SARDH: variants seen among roughly 807,000 people sequenced by gnomAD.
The protein encoded by SARDH is sarcosine dehydrogenase.
SARDH carries 95 observed loss-of-function variants against 109.1 expected under a neutral mutation model. The observed-to-expected ratio is 0.87, with a 90% CI of 0.74 to 1.03. The LOEUF (loss-of-function observed/expected upper bound fraction) is 1.03. Ranked by LOEUF, SARDH falls within the 50% of genes least tolerant of loss-of-function variation. The pLI is 0.00. For synonymous variants in SARDH, 572 were observed against 534.8 expected (o/e 1.07, Z -0.96); for missense variants, 1,267 against 1,287.8 (o/e 0.98, Z 0.25).
In SARDH at chr9:133,663,566, C is replaced by T. The variant is rs1236886749; in HGVS notation, c.*323G>A. ...AAGCCTATTTGCTTCGCTGTTTTCA[C>T]GTGGGGCTTATCAAGTATTTACTAA... On this transcript the variant is annotated 3_prime_UTR_variant, in exon 21 of 21. Transcript: ENST00000439388. 1.5e-5 allele frequency: 5 copies of T among 335,564 alleles called. No individual in the cohort carries two copies. Among genetic ancestry groups the T allele is most frequent in the South Asian group, 7.2e-5 (1 of 13,886 alleles). The allele number at this position is 335,564 out of a possible 1,614,324, so 20.8% of individuals were successfully genotyped here.
Position 133,694,305 on chromosome 9 carries a change from C to G in SARDH, c.1874G>C (p.Arg625Pro). The change falls in exon 15 of 21, where the codon CGC (arginine) becomes CCC (proline). Residue 625 changes from arginine to proline, a missense_variant. Coordinates refer to ENST00000439388, the MANE Select transcript of SARDH (RefSeq NM_001134707.2). ...GGAGGCCTGGTGGCTGGGTGCCAGGCGGCTGACAGTCAGGTCACTCTCGGT... is the reference window on the plus strand; with the variant it reads ...GGAGGCCTGGTGGCTGGGTGCCAGGGGGCTGACAGTCAGGTCACTCTCGGT... ...GGTESDLTVSRLAPSHQASPL... is the reference protein window; with the variant it reads ...GGTESDLTVSPLAPSHQASPL... The G allele has an allele frequency of 1.3e-6, 2 of 1,550,492 alleles. No homozygotes were observed. Among genetic ancestry groups the G allele is most frequent in the Non-Finnish European group, 1.7e-6 (2 of 1,146,912 alleles).
chr9:133,696,431 A>C, intron 13 of SARDH, 70 bp from the exon 14 acceptor site: 2 of 1,603,616 alleles, frequency 1.2e-6, no homozygotes, highest in Admixed American at 1.7e-5. Flanking sequence ...AAGAACGTGG[A>C]GAACGGGGGC....
rs746017538 is a variant in SARDH at position 133,717,469 on chromosome 9, G to A, written c.1021-14C>T. On this transcript the variant is annotated splice_polypyrimidine_tract_variant and intron_variant, in intron 7 of 20. Coordinates refer to ENST00000439388, the MANE Select transcript of SARDH (RefSeq NM_001134707.2). ...CTTGTCTGACACCTGCCAAGGCAGGGCAGGGGAACATCTCCGTTGTCCCCA... is the reference window on the plus strand; with the variant it reads ...CTTGTCTGACACCTGCCAAGGCAGGACAGGGGAACATCTCCGTTGTCCCCA... The A allele has an allele frequency of 6.2e-7, 1 of 1,613,868 alleles. No individual in the cohort carries two copies. The highest frequency in any genetic ancestry group is 8.5e-7 in the Non-Finnish European group (1 of 1,179,884).
rs753474721 is a variant in SARDH, at chr9:133,708,330, T to C, written c.1427A>G (p.Glu476Gly). 1.4e-5 allele frequency: 23 copies of C among 1,613,198 alleles called. No individual in the cohort carries two copies. The highest frequency in any genetic ancestry group is 1.9e-5 in the Non-Finnish European group (22 of 1,179,736). ...KNYSVVFPHD[E>G]PLAGRNMRRD... ...CCTCATGTTGCGCCCGGCCAGCGGC[T>C]CATCGTGGGGGAAGACGACGGAGTA... The change falls in exon 11 of 21, where the codon GAG becomes GGG. Residue 476 changes from glutamate (E) to glycine (G), a missense_variant. Coordinates refer to ENST00000439388, the MANE Select transcript of SARDH (RefSeq NM_001134707.2).
At chr9:133,732,707 T>C in intron 2 of SARDH, 106 bp from the exon 3 acceptor site, 3 of 1,275,552 alleles carry the variant, frequency 2.4e-6, no homozygotes, top group South Asian at 3.0e-5. Flanking sequence ...GGTGTCTTTC[T>C]CTGCAAGGTC....
intron 13 of SARDH, among the ~76,000 whole-genome samples, chr9:133,699,882 A>C (rs1831420178): frequency 6.6e-6 from 1 of 152,240 alleles, no homozygotes; most frequent in South Asian, 2.1e-4. Context: ...AAGAAATTAT[A>C]ACATACATGC....
intron 17 of SARDH, among the ~76,000 whole-genome samples, chr9:133,683,279 G>T (rs576919219): frequency 8.5e-5 from 13 of 152,336 alleles, no homozygotes; most frequent in African/African-American, 2.9e-4. Flanking sequence ...TGCTGGAGTG[G>T]CCGTGCGGGT....
rs1190493117 is a variant in SARDH, at chr9:133,708,302, T to G, written c.1455A>C (p.Arg485Ser). The change falls in exon 11 of 21, where the codon AGA (arginine) becomes AGC (serine). Residue 485 changes from arginine (R) to serine (S), a missense_variant. Physicochemically the swap from Arg to Ser is moderately radical, Grantham distance 110. Transcript: ENST00000439388. Reference sequence around the variant, plus strand: ...GGGGCGTTACCTCGTGCAGCGGGTCTCTCCTCATGTTGCGCCCGGCCAGCG... The same window carrying G: ...GGGGCGTTACCTCGTGCAGCGGGTCGCTCCTCATGTTGCGCCCGGCCAGCG... Reference protein sequence around the residue: ...DEPLAGRNMRRDPLHEELLGQ... With the variant: ...DEPLAGRNMRSDPLHEELLGQ... The G allele has an allele frequency of 6.2e-7, 1 of 1,612,824 alleles. No homozygotes were observed.
intron 5 of SARDH, 49 bp downstream of exon 5, chr9:133,730,015 G>T (rs769777015): frequency 6.2e-7 from 1 of 1,610,276 alleles, no homozygotes; most frequent in African/African-American, 1.3e-5. Context: ...GCAGGTTTAG[G>T]GAGCAGCCAG....
At position 133,712,783 on chromosome 9, in the gene SARDH, A is replaced by G; in HGVS notation, c.1238-74T>C. ...CACCCATGTCCAAACATGTGCCCCCATCTCCACGGACAGCACAGACACTCC... is the reference window on the plus strand; with the variant it reads ...CACCCATGTCCAAACATGTGCCCCCGTCTCCACGGACAGCACAGACACTCC... On this transcript the variant is annotated intron_variant, in intron 9 of 20. Coordinates refer to ENST00000439388, the MANE Select transcript of SARDH (RefSeq NM_001134707.2). The surrounding 1 kb of genome is among the most constrained non-coding windows in gnomAD (Gnocchi z 4.1). The G allele has an allele frequency of 7.2e-7, 1 of 1,390,138 alleles. No homozygotes were observed. The highest frequency in any genetic ancestry group is 1.0e-6 in the Non-Finnish European group (1 of 997,494). The allele number at this position is 1,390,138 out of a possible 1,614,324, so 86.1% of individuals were successfully genotyped here.
At chr9:133,661,466 C>T (rs751365710), downstream of SARDH, among the ~76,000 whole-genome samples, 88 of 152,012 alleles carry the variant, frequency 5.8e-4, no homozygotes, top group Non-Finnish European at 3.8e-4. Context: ...CTGCCGGTGA[C>T]GATGTAGGCA....
intron 6 of SARDH, chr9:133,725,439 G>A (rs1454774917): frequency 2.0e-5 from 7 of 350,772 alleles, no homozygotes; most frequent in Non-Finnish European, 4.0e-5. Context: ...TTGGAAGTCC[G>A]AGATGGGTGG....
Position 133,666,839 on chromosome 9 carries a change from A to G in SARDH, c.2527T>C (p.Trp843Arg). 1 of 1,611,668 alleles carries G rather than the reference A, an allele frequency of 6.2e-7. No homozygotes were observed. The highest frequency in any genetic ancestry group is 8.5e-7 in the Non-Finnish European group (1 of 1,179,174). ...KVPMFGLEAIWRNGQVVGHVR... is the reference protein window; with the variant it reads ...KVPMFGLEAIRRNGQVVGHVR... The stretch of plus-strand genomic sequence containing the variant: ...TGGCCCACCACTTGGCCGTTCCTCC[A>G]GATGGCCTCCAGGCCAAACATGGGT... Residue 843 changes from tryptophan (W) to arginine (R), a missense_variant, in exon 20 of 21, where the codon TGG (tryptophan) becomes CGG (arginine). Coordinates refer to ENST00000439388, the MANE Select transcript of SARDH (RefSeq NM_001134707.2). The surrounding 1 kb of genome is among the most constrained non-coding windows in gnomAD (Gnocchi z 5.2).
In SARDH at chr9:133,664,906, T is replaced by C. The variant is rs559351359; in HGVS notation, c.2632-892A>G. On this transcript the variant is annotated intron_variant, in intron 20 of 20. Coordinates refer to ENST00000439388, the MANE Select transcript of SARDH (RefSeq NM_001134707.2). ...TCAGATGTCCACGGGCATGCACAAC[T>C]CAAAGCGGGCATCTGGCCTTGCTAA... is the stretch of plus-strand genomic sequence containing the variant. Among the ~76,000 whole-genome samples the C allele has an allele frequency of 2.0e-5, 3 of 152,090 alleles. No individual in the cohort carries two copies. In the South Asian group the frequency reaches 6.3e-4, roughly 32 times the overall value.
chr9:133,738,704 G>T (rs1832966243), upstream of SARDH, among the ~76,000 whole-genome samples: 1 of 152,234 alleles, frequency 6.6e-6, no homozygotes, highest in South Asian at 2.1e-4. Flanking sequence ...GAAAGGTGGG[G>T]TCAGCAGCAG....
In SARDH at chr9:133,729,809, T is replaced by C; in HGVS notation, c.871A>G (p.Met291Val). 6.2e-7 allele frequency: 1 copy of C among 1,612,808 alleles called. No individual in the cohort carries two copies. The highest frequency in any genetic ancestry group is 8.5e-7 in the Non-Finnish European group (1 of 1,180,000). ...TCGGTGACGACATAGGCATGGTGCA[T>C]GGCCACCAGCGGGACCTTGACTCCA... ...MAGVKVPLVA[M>V]HHAYVVTERI... Residue 291 changes from methionine (M) to valine (V), a missense_variant, in exon 6 of 21, where the codon ATG becomes GTG. Transcript: ENST00000439388.
chr9:133,674,733 T>C (rs1268188865), intron 17 of SARDH, among the ~76,000 whole-genome samples: 1 of 152,034 alleles, frequency 6.6e-6, no homozygotes, highest in Non-Finnish European at 1.5e-5. Context: ...TGTCCAAAAA[T>C]TAACTAGACA....
chr9:133,670,472 G>T, intron 19 of SARDH, 112 bp downstream of exon 19: 12 of 1,186,400 alleles, frequency 1.0e-5, no homozygotes, highest in African/African-American at 1.5e-5. Flanking sequence ...AGCATGGCTG[G>T]CACATGGGAA....
In SARDH at chr9:133,718,101, T is replaced by G. The variant is rs1045075058; in HGVS notation, c.1021-646A>C. On this transcript the variant is annotated intron_variant, in intron 7 of 20. Transcript: ENST00000439388. The surrounding 1 kb of genome is among the most constrained non-coding windows in gnomAD (Gnocchi z 4.2). The stretch of plus-strand genomic sequence containing the variant: ...GTTTGTTTGTTTGTTTGTAACAGTC[T>G]CACTCTGTCACCCAGGCTGGAGTAA... Among the ~76,000 whole-genome samples, 1 of 152,226 alleles carries G rather than the reference T, an allele frequency of 6.6e-6. No individual in the cohort carries two copies. The highest frequency in any genetic ancestry group is 2.4e-5 in the African/African-American group (1 of 41,456).
Sources: allele counts gnomAD v4.1 joint callset (sites outside exome capture counted in the v4.1 genomes callset), GRCh38; gene constraint gnomAD v4.1.1; non-coding constraint Gnocchi (gnomAD v3.1); transcripts MANE v1.5; gene names NCBI Gene and HGNC (gene_info 2026-07-23, HGNC 2026-07-21).